The following USP3 variants were observed in gnomAD, a reference collection of about 807,000 sequenced individuals.
USP3 encodes the protein ubiquitin carboxyl-terminal hydrolase 3.
A neutral mutation model predicts 72.3 loss-of-function variants in USP3; 20 were observed. The observed-to-expected ratio is 0.28, with a 90% CI of 0.19 to 0.40. The LOEUF (loss-of-function observed/expected upper bound fraction) is 0.40, where lower values mean the gene tolerates loss of function less well. Among genes scored for constraint, USP3 ranks in the 10% least tolerant of loss-of-function variants. The pLI is 1.00. For missense variants in USP3, 479 were observed against 633.9 expected (o/e 0.76, Z 2.62); for synonymous variants, 222 against 225.3 (o/e 0.99, Z 0.13).
intron 2 of USP3, among the ~76,000 whole-genome samples, chr15:63,533,186 A>G (rs1366570620): frequency 2.0e-5 from 3 of 152,140 alleles, no homozygotes; most frequent in African/African-American, 7.2e-5. Flanking sequence ...AATCCCAGGT[A>G]TGATATCATT....
chr15:63,546,041 T>C (rs2066322379), intron 3 of USP3, among the ~76,000 whole-genome samples: 1 of 143,990 alleles, frequency 6.9e-6, no homozygotes, highest in Non-Finnish European at 1.5e-5. Context: ...AATCAGTAAG[T>C]AAAAACTTGC....
intron 1 of USP3, 65 bp from the exon 2 acceptor site, chr15:63,532,582 A>T: frequency 1.3e-6 from 2 of 1,584,290 alleles, no homozygotes; most frequent in Non-Finnish European, 1.7e-6. Flanking sequence ...AATCACAGGA[A>T]AATGGGGAGA....
chr15:63,562,976 T>TTA lies in USP3; in HGVS notation c.731_732dup (p.Val245MetfsTer60). 6.2e-7 allele frequency: 1 copy of TTA among 1,612,106 alleles called. No individual in the cohort carries two copies. The stretch of plus-strand genomic sequence containing the variant: ...CTGCATTTAGCCCAGAGTCCTTATT[T>TTA]TATGTTGTTTGGAAGATTATGCCAA... On this transcript the variant is annotated frameshift_variant, in exon 8 of 15. Coordinates refer to ENST00000380324, the MANE Select transcript of USP3 (RefSeq NM_006537.4). LOFTEE classifies it high-confidence loss of function.
Position 63,544,912 on chromosome 15 carries a change from T to C in USP3, c.284+7756T>C, listed in dbSNP as rs2066298102. Among the ~76,000 whole-genome samples, 1 of 152,116 alleles carries C rather than the reference T, an allele frequency of 6.6e-6. No individual in the cohort carries two copies. The highest frequency in any genetic ancestry group is 6.5e-5 in the Admixed American group (1 of 15,268). On this transcript the variant is annotated intron_variant, in intron 3 of 14. Transcript: ENST00000380324. The surrounding 1 kb of genome is among the most constrained non-coding windows in gnomAD (Gnocchi z 4.2). ...TTACAGATAGCTATGGAATTGAAAG[T>C]TTCTCAGGGAAAAGGGAAAAAGATG...
At chr15:63,504,873 G>T (rs2065686638) in intron 1 of USP3, 43 bp downstream of exon 1, 1 of 1,502,974 alleles carries the variant, frequency 6.7e-7, no homozygotes. Context: ...ACCCGAGGCC[G>T]CGGCTCTGCC....
chr15:63,562,311 T>C (rs866836976), intron 7 of USP3, among the ~76,000 whole-genome samples: 1 of 152,090 alleles, frequency 6.6e-6, no homozygotes, highest in Non-Finnish European at 1.5e-5. Flanking sequence ...CAGAGAGCAG[T>C]AGATGCTGGA....
intron 11 of USP3, among the ~76,000 whole-genome samples, chr15:63,582,824 A>G (rs1349730288): frequency 2.0e-5 from 3 of 152,196 alleles, no homozygotes; most frequent in African/African-American, 7.2e-5. Flanking sequence ...GAAAAGGAGC[A>G]GGGTGATGGC....
At chr15:63,548,698 T>A (rs1249397828) in intron 3 of USP3, among the ~76,000 whole-genome samples, 1 of 152,120 alleles carries the variant, frequency 6.6e-6, no homozygotes, top group Non-Finnish European at 1.5e-5. Flanking sequence ...AAAATTGAGT[T>A]CTTTTTTCTT....
In USP3 at chr15:63,591,019, C is replaced by G; in HGVS notation, c.*193C>G. 5.0e-6 allele frequency: 3 copies of G among 595,640 alleles called. No individual in the cohort carries two copies. Among genetic ancestry groups the G allele is most frequent in the Non-Finnish European group, 7.8e-6 (3 of 385,712 alleles). The allele number at this position is 595,640 out of a possible 1,614,324, so 36.9% of individuals were successfully genotyped here. ...TTGTTGTTCTACCAGAAAACCTCAG[C>G]AGATGTTTTGATTTGCTGCTTTAGT... On this transcript the variant is annotated 3_prime_UTR_variant, in exon 15 of 15. Transcript: ENST00000380324.
chr15:63,505,612 G>C (rs2065702233), intron 1 of USP3, among the ~76,000 whole-genome samples: 1 of 152,120 alleles, frequency 6.6e-6, no homozygotes, highest in Non-Finnish European at 1.5e-5. Flanking sequence ...ATTTATATAA[G>C]GCTTTTGAGT....
intron 1 of USP3, among the ~76,000 whole-genome samples, chr15:63,524,867 C>T (rs1019264629): frequency 3.9e-5 from 6 of 152,134 alleles, no homozygotes; most frequent in Admixed American, 6.5e-5. Context: ...ATATTCAGTG[C>T]GTTGGGGCAG....
intron 14 of USP3, among the ~76,000 whole-genome samples, chr15:63,590,190 TG>T (rs1436878232): frequency 6.6e-6 from 1 of 152,192 alleles, no homozygotes; most frequent in East Asian, 1.9e-4. Flanking sequence ...AGGGTTTTCC[TG>T]GCACCTACAA....
intron 1 of USP3, among the ~76,000 whole-genome samples, chr15:63,517,114 A>G (rs2065860367): frequency 6.6e-6 from 1 of 151,922 alleles, no homozygotes; most frequent in Admixed American, 6.6e-5. Flanking sequence ...ATATGTATAC[A>G]TGTGCCATGT....
rs2067198787 is a variant in USP3 at position 63,591,485 on chromosome 15, T to G, written c.*659T>G. 1 of 152,212 alleles carries G rather than the reference T, an allele frequency of 6.6e-6. No homozygotes were observed. Among genetic ancestry groups the G allele is most frequent in the Admixed American group, 6.5e-5 (1 of 15,280 alleles). The allele number at this position is 152,212 out of a possible 1,614,324, so 9.4% of individuals were successfully genotyped here. A position where few individuals can be genotyped will look rare whatever the true frequency, so the allele number is the denominator to read the frequency against. On this transcript the variant is annotated 3_prime_UTR_variant, in exon 15 of 15. Transcript: ENST00000380324. ...TACAAGAATTACTCTCTTTGTTGGT[T>G]TTTTTGGTTTTGGGGCATACTTGTT...
intron 11 of USP3, among the ~76,000 whole-genome samples, chr15:63,580,660 A>ATATATATATATATATATATAT (rs60776150): frequency 2.0e-4 from 23 of 113,008 alleles, no homozygotes; most frequent in African/African-American, 4.6e-4. Context: ...ATGAATATAT[A>ATATATATATATATATATATAT]ATATATATAT....
Position 63,590,678 on chromosome 15 carries a change from A to C in USP3, c.1415A>C (p.Tyr472Ser). ...CTTTACAGGGTTGGTTCTGGACATTACACAGCATACGCAACTCACGAAGGC... is the reference window on the plus strand; with the variant it reads ...CTTTACAGGGTTGGTTCTGGACATTCCACAGCATACGCAACTCACGAAGGC... ...HHGSGVGSGH[Y>S]TAYATHEGRW... is the part of the protein sequence containing the mutation. Residue 472 changes from tyrosine (Y) to serine (S), a missense_variant, in exon 15 of 15, where the codon TAC (tyrosine) becomes TCC (serine). Coordinates refer to ENST00000380324, the MANE Select transcript of USP3 (RefSeq NM_006537.4). The C allele has an allele frequency of 1.2e-6, 2 of 1,610,478 alleles. No individual in the cohort carries two copies. The highest frequency in any genetic ancestry group is 1.7e-6 in the Non-Finnish European group (2 of 1,178,486).
At chr15:63,578,367 G>A (rs1386855910) in intron 11 of USP3, among the ~76,000 whole-genome samples, 1 of 152,104 alleles carries the variant, frequency 6.6e-6, no homozygotes, top group African/African-American at 2.4e-5. Flanking sequence ...CACTTTGGGA[G>A]GCCGAGGCGG....
chr15:63,534,741 A>G (rs900291588), intron 2 of USP3, among the ~76,000 whole-genome samples: 4 of 152,136 alleles, frequency 2.6e-5, no homozygotes, highest in African/African-American at 9.7e-5. Context: ...GGACTATGTA[A>G]AGATGATGAG....
At chr15:63,514,360 G>C (rs1183804999) in intron 1 of USP3, among the ~76,000 whole-genome samples, 2 of 152,136 alleles carry the variant, frequency 1.3e-5, no homozygotes, top group Non-Finnish European at 2.9e-5. Context: ...AATTAGAACA[G>C]CTATTTAGAA....
Sources: gnomAD v4.1 joint callset for allele counts (sites outside exome capture counted in the v4.1 genomes callset) on GRCh38, gnomAD v4.1.1 for gene constraint, Gnocchi (gnomAD v3.1) non-coding constraint, MANE v1.5 for transcripts, NCBI Gene and HGNC (gene_info 2026-07-23, HGNC 2026-07-21) for gene names.